Variants in RBMS3 observed in about 807,000 individuals in gnomAD.
RBMS3 encodes the protein RNA binding motif single stranded interacting protein 3.
A neutral mutation model predicts 66.8 loss-of-function variants in RBMS3; 27 were observed. The observed-to-expected ratio is 0.40, with a 90% CI of 0.30 to 0.56. The LOEUF (loss-of-function observed/expected upper bound fraction) is 0.56, where lower values mean the gene tolerates loss of function less well. Among genes scored for constraint, RBMS3 ranks in the 20% least tolerant of loss-of-function variants. The pLI is 0.40. For missense variants in RBMS3, 513 were observed against 549.5 expected (o/e 0.93, Z 0.66); for synonymous variants, 188 against 183.0 (o/e 1.03, Z -0.22).
intron 4 of RBMS3, among the ~76,000 whole-genome samples, chr3:29,660,826 A>G (rs1386821210): frequency 6.6e-6 from 1 of 152,166 alleles, no homozygotes; most frequent in Non-Finnish European, 1.5e-5. Flanking sequence ...CTATGCACAG[A>G]TAAAGAGAAA....
chr3:29,606,875 T>C (rs17023922), intron 4 of RBMS3, among the ~76,000 whole-genome samples: 22,311 of 151,978 alleles, frequency 0.15, 1,895 homozygotes, highest in East Asian at 0.32. Context: ...TTTCTTTGAA[T>C]TGAAAATTTT....
At chr3:29,969,681 T>C (rs9852454) in intron 12 of RBMS3, among the ~76,000 whole-genome samples, 4,717 of 152,288 alleles carry the variant, frequency 0.031, 163 homozygotes, top group African/African-American at 0.087. Context: ...TATTTTCATT[T>C]ATTTCTGAAC....
intron 12 of RBMS3, among the ~76,000 whole-genome samples, chr3:29,964,068 A>T (rs776020173): frequency 2.6e-4 from 40 of 152,306 alleles, no homozygotes; most frequent in Non-Finnish European, 5.7e-4. Flanking sequence ...GAAAATATGG[A>T]TTAAAAGGAA....
intron 1 of RBMS3, among the ~76,000 whole-genome samples, chr3:29,399,218 T>A (rs1393625935): frequency 6.9e-6 from 1 of 145,470 alleles, no homozygotes; most frequent in African/African-American, 2.6e-5. Flanking sequence ...TGTGTGTGTG[T>A]GTGTATATAT....
intron 12 of RBMS3, among the ~76,000 whole-genome samples, chr3:29,969,764 A>G (rs1355214321): frequency 1.3e-5 from 2 of 152,192 alleles, no homozygotes; most frequent in African/African-American, 4.8e-5. Context: ...GGGTCATAGG[A>G]TTTTCAAAAG....
At chr3:29,603,767 A>G (rs143798949) in intron 4 of RBMS3, among the ~76,000 whole-genome samples, 37 of 152,122 alleles carry the variant, frequency 2.4e-4, no homozygotes, top group African/African-American at 8.4e-4. Flanking sequence ...TAAGTAGGTA[A>G]TTATTACCCA....
At chr3:29,399,870 C>T (rs929983083) in intron 1 of RBMS3, among the ~76,000 whole-genome samples, 1 of 152,062 alleles carries the variant, frequency 6.6e-6, no homozygotes, top group African/African-American at 2.4e-5. Flanking sequence ...TTGTATTTGT[C>T]ACAGATCCCA....
intron 3 of RBMS3, among the ~76,000 whole-genome samples, chr3:29,551,587 A>G (rs2046181399): frequency 6.6e-6 from 1 of 152,262 alleles, no homozygotes; most frequent in South Asian, 2.1e-4. Context: ...TATTCGTCAT[A>G]AATTCAGCAA....
At chr3:29,608,018 G>A (rs894296237) in intron 4 of RBMS3, among the ~76,000 whole-genome samples, 1 of 151,872 alleles carries the variant, frequency 6.6e-6, no homozygotes, top group African/African-American at 2.4e-5. Flanking sequence ...ATCTCAACAT[G>A]CCCATCATCC....
intron 6 of RBMS3, among the ~76,000 whole-genome samples, chr3:29,828,805 C>G (rs559196347): frequency 6.6e-6 from 1 of 151,986 alleles, no homozygotes; most frequent in Non-Finnish European, 1.5e-5. Flanking sequence ...TTTTAAATGG[C>G]CTTAGCAAAG....
intron 3 of RBMS3, among the ~76,000 whole-genome samples, chr3:29,505,613 G>A (rs2148945627): frequency 6.6e-6 from 1 of 150,428 alleles, no homozygotes; most frequent in South Asian, 2.1e-4. Flanking sequence ...TTATTTCTGT[G>A]AAAAATGTTA....
At chr3:29,851,824 A>C (rs990680422) in intron 6 of RBMS3, among the ~76,000 whole-genome samples, 7 of 152,240 alleles carry the variant, frequency 4.6e-5, no homozygotes, top group Admixed American at 2.0e-4. Flanking sequence ...GAACTAGAAA[A>C]AACTATTTTA....
intron 5 of RBMS3, 72 bp downstream of exon 5, chr3:29,739,949 C>G: frequency 1.7e-6 from 2 of 1,183,442 alleles, no homozygotes; most frequent in South Asian, 2.8e-5. Context: ...TTTTTTAGTA[C>G]TAGAGCCCAA....
At chr3:29,529,171 T>C (rs918772433) in intron 3 of RBMS3, among the ~76,000 whole-genome samples, 2 of 152,224 alleles carry the variant, frequency 1.3e-5, no homozygotes, top group African/African-American at 4.8e-5. Flanking sequence ...GTATAAAAAA[T>C]GTGAGCTTAT....
chr3:29,440,596 A>G (rs1325800518), intron 2 of RBMS3, among the ~76,000 whole-genome samples: 1 of 152,308 alleles, frequency 6.6e-6, no homozygotes, highest in Admixed American at 6.5e-5. Flanking sequence ...GAAACTCTGA[A>G]TGTCACTTTA....
chr3:29,629,155 G>T (rs539229894), intron 4 of RBMS3, among the ~76,000 whole-genome samples: 1 of 152,212 alleles, frequency 6.6e-6, no homozygotes, highest in South Asian at 2.1e-4. Flanking sequence ...TTTTAGAATT[G>T]ATGAAATAAG....
At chr3:29,491,628 A>T (rs1575994316) in intron 3 of RBMS3, among the ~76,000 whole-genome samples, 1 of 152,176 alleles carries the variant, frequency 6.6e-6, no homozygotes, top group East Asian at 1.9e-4. Context: ...GAAGGAAGAG[A>T]GGGAAGGAGG....
intron 4 of RBMS3, among the ~76,000 whole-genome samples, chr3:29,636,802 T>G (rs2049492227): frequency 1.3e-5 from 2 of 151,918 alleles, no homozygotes; most frequent in Non-Finnish European, 2.9e-5. Flanking sequence ...CAAATAGGTA[T>G]ATGGTGCACC....
At chr3:29,403,068 G>A (rs1299983411) in intron 1 of RBMS3, among the ~76,000 whole-genome samples, 1 of 151,796 alleles carries the variant, frequency 6.6e-6, no homozygotes, top group Non-Finnish European at 1.5e-5. Flanking sequence ...TGGGATGTGG[G>A]GCTGAGCTGC....
Sources: allele counts gnomAD v4.1 joint callset (sites outside exome capture counted in the v4.1 genomes callset), GRCh38; gene constraint gnomAD v4.1.1; transcripts MANE v1.5; gene names NCBI Gene and HGNC (gene_info 2026-07-23, HGNC 2026-07-21).